PCK2: variants seen among roughly 807,000 people sequenced by gnomAD.
The protein encoded by PCK2 is phosphoenolpyruvate carboxykinase 2, mitochondrial.
Under a neutral mutation model 65.9 loss-of-function variants are expected in PCK2, and 56 were observed. The ratio of observed to expected loss-of-function variants is 0.85; its 90% confidence interval spans 0.69 to 1.06. The LOEUF is 1.06. PCK2 is among the 50% of genes least tolerant of loss of function. The pLI is 0.00. For synonymous variants in PCK2, 305 were observed against 319.6 expected (o/e 0.95, Z 0.49); for missense variants, 843 against 863.1 (o/e 0.98, Z 0.29).
rs780860706 is a variant in PCK2, at chr14:24,099,138, G to A, written c.754G>A (p.Gly252Ser). Residue 252 changes from glycine (G) to serine (S), a missense_variant, in exon 5 of 10, where the codon GGC (glycine) becomes AGC (serine). Gly to Ser is a moderately conservative substitution (Grantham distance 56). Coordinates refer to ENST00000216780, the MANE Select transcript of PCK2 (RefSeq NM_004563.4). ...DQREIISFGS[G>S]YGGNSLLGKK... ...GCGGGAGATCATCTCCTTCGGCAGC[G>A]GCTATGGTGGCAACTCCCTGCTGGG... 8.1e-6 allele frequency: 13 copies of A among 1,611,976 alleles called. No individual in the cohort carries two copies. The highest frequency in any genetic ancestry group is 2.2e-5 in the South Asian group (2 of 91,086).
chr14:24,096,341 C>T (rs918268662), intron 1 of PCK2, among the ~76,000 whole-genome samples: 1 of 144,718 alleles, frequency 6.9e-6, no homozygotes, highest in Non-Finnish European at 1.5e-5. Flanking sequence ...CGGGTTCAAG[C>T]GATTCTCCTG....
intron 1 of PCK2, 42 bp from the exon 2 acceptor site, chr14:24,096,850 T>C: frequency 6.3e-7 from 1 of 1,584,530 alleles, no homozygotes; most frequent in African/African-American, 1.3e-5. Flanking sequence ...TTGTCCACTC[T>C]CGATGACAGC....
chr14:24,098,913 A>T, intron 4 of PCK2, 136 bp from the exon 5 acceptor site: 1 of 755,116 alleles, frequency 1.3e-6, no homozygotes, highest in Non-Finnish European at 2.2e-6. Flanking sequence ...GGTTATTATG[A>T]GGTGGGGGGC....
Position 24,099,650 on chromosome 14 carries a change from G to C in PCK2, c.945G>C (p.Arg315=), listed in dbSNP as rs749278970. Reference sequence around the variant, plus strand: ...GCAAGACCAACCTGGCTATGATGCGGCCTGCACTGCCAGGCTGGAAAGTGG... The same window carrying C: ...GCAAGACCAACCTGGCTATGATGCGCCCTGCACTGCCAGGCTGGAAAGTGG... ...ACGKTNLAMM[R]PALPGWKVEC... The change falls in exon 6 of 10, where the codon CGG becomes CGC. Residue 315 remains arginine (R), a synonymous_variant. Coordinates refer to ENST00000216780, the MANE Select transcript of PCK2 (RefSeq NM_004563.4). 6.2e-7 allele frequency: 1 copy of C among 1,614,000 alleles called. No individual in the cohort carries two copies. The highest frequency in any genetic ancestry group is 1.7e-5 in the Admixed American group (1 of 60,022).
rs747648609 is a variant in PCK2 at position 24,099,051 on chromosome 14, G to T, written c.667G>T (p.Glu223Ter). The change falls in exon 5 of 10, where the codon GAG becomes TAG. Residue 223 changes from glutamate to a stop codon, truncating the protein, a stop_gained and splice_region_variant. Transcript: ENST00000216780. LOFTEE classifies it high-confidence loss of function. ...SVGQPLTGQG[E>*]PVSQWPCNPE... The stretch of plus-strand genomic sequence containing the variant: ...CCCCATGACCCCATTGTCCCCAGGG[G>T]AGCCAGTGAGCCAGTGGCCGTGCAA... 6.3e-7 allele frequency: 1 copy of T among 1,598,878 alleles called. No individual in the cohort carries two copies. The highest frequency in any genetic ancestry group is 1.1e-5 in the South Asian group (1 of 90,736).
intron 1 of PCK2, chr14:24,095,203 C>A: frequency 2.2e-6 from 1 of 456,078 alleles, no homozygotes; most frequent in Non-Finnish European, 4.4e-6. Context: ...ACTTGGGCAG[C>A]CCTTGTGGGT....
Position 24,103,182 on chromosome 14 carries a change from C to T in PCK2, c.1395C>T (p.Ala465=), listed in dbSNP as rs2037233118. The T allele has an allele frequency of 1.2e-6, 2 of 1,613,912 alleles. No homozygotes were observed. Among genetic ancestry groups the T allele is most frequent in the Non-Finnish European group, 1.7e-6 (2 of 1,179,856 alleles). ...TAGGGGTACCCCTGGTATACGAGGC[C>T]TTCAACTGGCGTCATGGGGTGTTTG... ...RPKGVPLVYE[A]FNWRHGVFVG... is the part of the protein sequence containing the mutation. Residue 465 remains alanine (A), a synonymous_variant, in exon 9 of 10, where the codon GCC becomes GCT. Transcript: ENST00000216780.
chr14:24,094,691 ACTCTCAGAACTTC>A lies in PCK2; in HGVS notation c.29+263_29+275del. ...TCTGACCGCGCGATCTCTATCTGCC[ACTCTCAGAACTTC>A]CTCTCTCTCCTCGCTCCTCTCTGCT... On this transcript the variant is annotated intron_variant, in intron 1 of 9. Coordinates refer to ENST00000216780, the MANE Select transcript of PCK2 (RefSeq NM_004563.4). This position sits in a 1 kb window ranked among gnomAD's most constrained non-coding sequence, Gnocchi z 4.1. The A allele has an allele frequency of 6.6e-7, 1 of 1,519,404 alleles. No homozygotes were observed. The highest frequency in any genetic ancestry group is 8.8e-7 in the Non-Finnish European group (1 of 1,136,824). 94.1% of individuals were successfully genotyped at this position (1,519,404 alleles called of 1,614,324 possible). A position where few individuals can be genotyped will look rare whatever the true frequency, so the allele number is the denominator to read the frequency against.
rs1594277880 is a variant in PCK2, at chr14:24,094,375, C to A, written c.-31C>A. The stretch of plus-strand genomic sequence containing the variant: ...ATACCTCCCCGGCTCCGCTCGGTTC[C>A]TGGCCACCCCGCAGCCCCTGCCCAG... On this transcript the variant is annotated 5_prime_UTR_variant, in exon 1 of 10. The change creates a new upstream start codon in the 5' untranslated region. Transcript: ENST00000216780. The surrounding 1 kb of genome is among the most constrained non-coding windows in gnomAD (Gnocchi z 4.1). 1 of 1,542,900 alleles carries A rather than the reference C, an allele frequency of 6.5e-7. No homozygotes were observed. The highest frequency in any genetic ancestry group is 2.5e-5 in the East Asian group (1 of 40,232).
chr14:24,103,274 C>T lies in PCK2; in HGVS notation c.1468+19C>T. The T allele has an allele frequency of 1.9e-6, 3 of 1,568,400 alleles. No individual in the cohort carries two copies. Among genetic ancestry groups the T allele is most frequent in the African/African-American group, 2.7e-5 (2 of 74,132 alleles). The stretch of plus-strand genomic sequence containing the variant: ...CACAAAGGTGAGCACCCTCACCATT[C>T]CTCCCTCTCCTGTGTGTGCACACAG... On this transcript the variant is annotated intron_variant, in intron 9 of 9. Coordinates refer to ENST00000216780, the MANE Select transcript of PCK2 (RefSeq NM_004563.4).
intron 7 of PCK2, among the ~76,000 whole-genome samples, chr14:24,102,432 C>T (rs1236220611): frequency 1.3e-5 from 2 of 151,988 alleles, no homozygotes; most frequent in African/African-American, 2.4e-5. Context: ...TAACCTTATG[C>T]CCATATCTAA....
rs746676529 is a variant in PCK2, at chr14:24,098,643, G to A, written c.629G>A (p.Cys210Tyr). ...CTGGGAGATGGTGACTTTGTCAAGT[G>A]TCTGCACTCCGTGGGCCAGCCCCTG... ...QALGDGDFVK[C>Y]LHSVGQPLTG... Residue 210 changes from cysteine (C) to tyrosine (Y), a missense_variant, in exon 4 of 10, where the codon TGT becomes TAT. Coordinates refer to ENST00000216780, the MANE Select transcript of PCK2 (RefSeq NM_004563.4). 2.5e-6 allele frequency: 4 copies of A among 1,613,992 alleles called. No individual in the cohort carries two copies. Among genetic ancestry groups the A allele is most frequent in the Non-Finnish European group, 3.4e-6 (4 of 1,180,024 alleles).
chr14:24,094,493 G>C lies in PCK2; in HGVS notation c.29+59G>C. 2 of 1,475,728 alleles carry C rather than the reference G, an allele frequency of 1.4e-6. No individual in the cohort carries two copies. The allele number at this position is 1,475,728 out of a possible 1,614,324, so 91.4% of individuals were successfully genotyped here. Reference sequence around the variant, plus strand: ...CTTCCGCTGCGCTCGCCCCCTCGGGGCTGCCAGTGGCGCTCTCCTGCTCTC... The same window carrying C: ...CTTCCGCTGCGCTCGCCCCCTCGGGCCTGCCAGTGGCGCTCTCCTGCTCTC... On this transcript the variant is annotated intron_variant, in intron 1 of 9. Transcript: ENST00000216780. The surrounding 1 kb of genome is among the most constrained non-coding windows in gnomAD (Gnocchi z 4.1).
chr14:24,098,108 G>A (rs910839806), intron 2 of PCK2, 95 bp from the exon 3 acceptor site: 19 of 1,001,698 alleles, frequency 1.9e-5, no homozygotes, highest in Non-Finnish European at 2.6e-5. Context: ...AAGGCCAACA[G>A]AAGACCTGGA....
In PCK2 at chr14:24,099,276, G is replaced by A. The variant is rs760353778; in HGVS notation, c.852+40G>A. The A allele has an allele frequency of 2.4e-5, 37 of 1,554,812 alleles. No homozygotes were observed. The South Asian group carries it at 4.1e-4, about 17-fold the overall frequency. On this transcript the variant is annotated intron_variant, in intron 5 of 9. Transcript: ENST00000216780. ...AGAAGCAGGGCAGCTGCCGGGGACA[G>A]GGCAGGGGTGGGGCCTGGCCAGTCT...
rs1408483788 is a variant in PCK2 at position 24,099,041 on chromosome 14, G to T, written c.665-8G>T. ...CTGCCAGCAGCCCCATGACCCCATT[G>T]TCCCCAGGGGAGCCAGTGAGCCAGT... On this transcript the variant is annotated splice_region_variant and splice_polypyrimidine_tract_variant and intron_variant, in intron 4 of 9. Coordinates refer to ENST00000216780, the MANE Select transcript of PCK2 (RefSeq NM_004563.4). The T allele has an allele frequency of 1.9e-6, 3 of 1,593,166 alleles. No homozygotes were observed. Among genetic ancestry groups the T allele is most frequent in the Non-Finnish European group, 2.6e-6 (3 of 1,164,810 alleles).
chr14:24,099,127 C>G lies in PCK2; in HGVS notation c.743C>G (p.Ser248Cys). 1.2e-6 allele frequency: 2 copies of G among 1,612,416 alleles called. No individual in the cohort carries two copies. Among genetic ancestry groups the G allele is most frequent in the Non-Finnish European group, 1.7e-6 (2 of 1,179,684 alleles). ...GHVPDQREII[S>C]FGSGYGGNSL... ...GTGCCCGACCAGCGGGAGATCATCTCCTTCGGCAGCGGCTATGGTGGCAAC... is the reference window on the plus strand; with the variant it reads ...GTGCCCGACCAGCGGGAGATCATCTGCTTCGGCAGCGGCTATGGTGGCAAC... The change falls in exon 5 of 10, where the codon TCC becomes TGC. Residue 248 changes from serine to cysteine, a missense_variant. Ser to Cys is a moderately radical substitution (Grantham distance 112). Transcript: ENST00000216780.
At chr14:24,097,833 A>G (rs1331045638) in intron 2 of PCK2, among the ~76,000 whole-genome samples, 1 of 152,138 alleles carries the variant, frequency 6.6e-6, no homozygotes, top group East Asian at 1.9e-4. Flanking sequence ...ACCTCAAGTG[A>G]TCCACCCACC....
Position 24,098,488 on chromosome 14 carries a change from T to C in PCK2, c.474T>C (p.Tyr158=). 2.5e-6 allele frequency: 4 copies of C among 1,614,086 alleles called. No individual in the cohort carries two copies. The highest frequency in any genetic ancestry group is 3.4e-6 in the Non-Finnish European group (4 of 1,179,982). Residue 158 remains tyrosine, a synonymous_variant, in exon 4 of 10, where the codon TAT becomes TAC. Coordinates refer to ENST00000216780, the MANE Select transcript of PCK2 (RefSeq NM_004563.4). ...FPGCMQGRTM[Y]VLPFSMGPVG... The stretch of plus-strand genomic sequence containing the variant: ...CTTCCTCCACAGGCCGCACCATGTA[T>C]GTGCTTCCATTCAGCATGGGTCCTG...
Sources: gnomAD v4.1 joint callset for allele counts (sites outside exome capture counted in the v4.1 genomes callset) on GRCh38, gnomAD v4.1.1 for gene constraint, Gnocchi (gnomAD v3.1) non-coding constraint, MANE v1.5 for transcripts, NCBI Gene and HGNC (gene_info 2026-07-23, HGNC 2026-07-21) for gene names.